SLC8A1: variants seen among roughly 807,000 people sequenced by gnomAD.
SLC8A1 encodes sodium/calcium exchanger 1.
SLC8A1 carries 18 observed loss-of-function variants against 68.3 expected under a neutral mutation model. That is an observed-to-expected ratio of 0.26 (90% CI 0.18 to 0.39). The LOEUF is 0.39. SLC8A1 is among the 10% of genes least tolerant of loss of function. The pLI is 1.00. For synonymous variants in SLC8A1, 475 were observed against 415.5 expected, an observed-to-expected ratio of 1.14 and a Z score of -1.74; for missense variants, 985 against 1,156.7, an observed-to-expected ratio of 0.85 and a Z score of 2.15.
intron 2 of SLC8A1, chr2:40,251,266 A>G (rs1393916836): frequency 8.5e-5 from 13 of 152,154 alleles, no homozygotes; most frequent in Admixed American, 7.9e-4. Flanking sequence ...AGATAGATAT[A>G]AAAAAGAGAA....
intron 1 of SLC8A1, among the ~76,000 whole-genome samples, chr2:40,492,479 C>A (rs1320118760): frequency 3.3e-5 from 5 of 151,902 alleles, no homozygotes; most frequent in South Asian, 2.1e-4. Flanking sequence ...GCAACAAAAG[C>A]CAAAATTGAC....
chr2:40,286,724 T>C (rs530411048), intron 2 of SLC8A1, among the ~76,000 whole-genome samples: 27 of 152,272 alleles, frequency 1.8e-4, no homozygotes, highest in Admixed American at 5.9e-4. Context: ...TCACAACCAT[T>C]CTGAAAGTAA....
intron 2 of SLC8A1, among the ~76,000 whole-genome samples, chr2:40,315,628 C>A (rs1456887500): frequency 2.0e-5 from 3 of 151,732 alleles, no homozygotes; most frequent in Non-Finnish European, 4.4e-5. Flanking sequence ...AAGAATTGGT[C>A]AAAATAAATA....
At chr2:40,189,990 C>T (rs1195862883) in intron 2 of SLC8A1, 7 of 152,150 alleles carry the variant, frequency 4.6e-5, no homozygotes, top group Non-Finnish European at 1.0e-4. Context: ...GAGAAATTCT[C>T]TCCTCGGTCA....
chr2:40,441,201 T>C (rs766768406), intron 1 of SLC8A1, among the ~76,000 whole-genome samples: 4 of 151,882 alleles, frequency 2.6e-5, no homozygotes, highest in Non-Finnish European at 4.4e-5. Context: ...AATAAAATAT[T>C]TGGGAACATA....
chr2:40,448,749 G>A (rs1226220053), intron 1 of SLC8A1, among the ~76,000 whole-genome samples: 2 of 152,102 alleles, frequency 1.3e-5, no homozygotes, highest in African/African-American at 4.8e-5. Flanking sequence ...TATGAGGTAT[G>A]GGAGGTTATG....
intron 1 of SLC8A1, among the ~76,000 whole-genome samples, chr2:40,512,139 A>G (rs2149949335): frequency 6.6e-6 from 1 of 152,294 alleles, no homozygotes; most frequent in East Asian, 1.9e-4. Context: ...CTGTGTTGCC[A>G]CTTTCCTTCC....
At chr2:40,383,921 G>C (rs1682743408) in intron 2 of SLC8A1, among the ~76,000 whole-genome samples, 1 of 152,038 alleles carries the variant, frequency 6.6e-6, no homozygotes, top group South Asian at 2.1e-4. Flanking sequence ...TCACAGATCT[G>C]GTAACAGGGC....
chr2:40,269,203 A>T (rs987685081), intron 2 of SLC8A1, among the ~76,000 whole-genome samples: 4 of 152,236 alleles, frequency 2.6e-5, no homozygotes, highest in African/African-American at 4.8e-5. Context: ...TAGAAATTAT[A>T]GGACTGTTAG....
intron 7 of SLC8A1, among the ~76,000 whole-genome samples, chr2:40,124,124 G>A (rs2037534058): frequency 6.6e-6 from 1 of 152,180 alleles, no homozygotes; most frequent in Non-Finnish European, 1.5e-5. Flanking sequence ...TAGCTGAGAA[G>A]GATCAGATAG....
chr2:40,198,906 A>AT (rs1007392524), intron 2 of SLC8A1, among the ~76,000 whole-genome samples: 7 of 149,742 alleles, frequency 4.7e-5, no homozygotes, highest in African/African-American at 1.7e-4. Context: ...TTTCAGAGAG[A>AT]TTTTGCAGCT....
At chr2:40,473,660 C>T (rs891800702) in intron 1 of SLC8A1, among the ~76,000 whole-genome samples, 2 of 152,166 alleles carry the variant, frequency 1.3e-5, no homozygotes, top group Non-Finnish European at 2.9e-5. Context: ...CCACACAGAG[C>T]AGTCTTGCTG....
At chr2:40,432,401 T>TTGTGTGTGTGTG (rs112824729) in intron 1 of SLC8A1, among the ~76,000 whole-genome samples, 6,236 of 128,738 alleles carry the variant, frequency 0.048, 262 homozygotes, top group South Asian at 0.067. Context: ...GAGTGTGAGA[T>TTGTGTGTGTGTG]TGTGTGTGTG....
intron 7 of SLC8A1, among the ~76,000 whole-genome samples, chr2:40,124,805 A>C (rs1321736259): frequency 1.3e-5 from 2 of 152,264 alleles, no homozygotes; most frequent in Non-Finnish European, 2.9e-5. Context: ...ATACTGTGCA[A>C]CTGTTAAAGT....
chr2:40,107,355 A>C (rs1239384812), exon 8 of SLC8A1: 1 of 149,330 alleles, frequency 6.7e-6, no homozygotes, highest in African/African-American at 2.5e-5. Context: ...CTATGTTTGG[A>C]GGGAAAATAT....
chr2:40,351,567 C>T (rs914318659), intron 2 of SLC8A1, among the ~76,000 whole-genome samples: 7 of 146,036 alleles, frequency 4.8e-5, no homozygotes, highest in Non-Finnish European at 8.9e-5. Context: ...AGTAGATTGG[C>T]ATACTGAATG....
chr2:40,337,235 T>C (rs1428082214), intron 2 of SLC8A1: 2 of 276,798 alleles, frequency 7.2e-6, no homozygotes, highest in East Asian at 7.7e-5. Flanking sequence ...TGTTTTGAAA[T>C]GGTATTTTGA....
intron 1 of SLC8A1, among the ~76,000 whole-genome samples, chr2:40,459,971 C>G (rs1174985823): frequency 6.6e-6 from 1 of 152,120 alleles, no homozygotes; most frequent in Non-Finnish European, 1.5e-5. Flanking sequence ...TTTGCAAATA[C>G]CCATGAAAAT....
intron 6 of SLC8A1, among the ~76,000 whole-genome samples, chr2:40,155,854 T>C (rs1202553547): frequency 6.6e-6 from 1 of 152,180 alleles, no homozygotes; most frequent in Non-Finnish European, 1.5e-5. Context: ...TAATTTGCTG[T>C]GAAATGTAGT....
Sources: allele counts gnomAD v4.1 joint callset (sites outside exome capture counted in the v4.1 genomes callset), GRCh38; gene constraint gnomAD v4.1.1; transcripts MANE v1.5; gene names NCBI Gene and HGNC (gene_info 2026-07-23, HGNC 2026-07-21).